The following KIAA1217 variants were observed in gnomAD, a reference collection of about 807,000 sequenced individuals.
KIAA1217 encodes the protein KIAA1217.
In KIAA1217, 88 loss-of-function variants were observed where a neutral mutation model predicts 163.9. That is an observed-to-expected ratio of 0.54 (90% CI 0.45 to 0.64). The LOEUF (loss-of-function observed/expected upper bound fraction) is 0.64, where lower values mean the gene tolerates loss of function less well. KIAA1217 is among the 30% of genes least tolerant of loss of function. The pLI is 0.00. For synonymous variants in KIAA1217, 903 were observed against 923.1 expected (o/e 0.98, Z 0.39); for missense variants, 2,372 against 2,475.0 (o/e 0.96, Z 0.88).
Position 24,474,003 on chromosome 10 carries a change from T to G in KIAA1217, c.1622T>G (p.Met541Arg). ...CTTGTAGACCTCGGCCCTCCTCTAA[T>G]GGAGAAGCAAGTTTTTGCCTACAGC... ...SSLVDLGPPL[M>R]EKQVFAYSTA... Residue 541 changes from methionine to arginine, a missense_variant, in exon 6 of 21, where the codon ATG becomes AGG. Transcript: ENST00000376454. The G allele has an allele frequency of 6.2e-7, 1 of 1,612,570 alleles. No individual in the cohort carries two copies. Among genetic ancestry groups the G allele is most frequent in the South Asian group, 1.1e-5 (1 of 91,050 alleles).
chr10:24,259,739 C>G (rs906426198), intron 2 of KIAA1217, among the ~76,000 whole-genome samples: 1 of 152,180 alleles, frequency 6.6e-6, no homozygotes, highest in Non-Finnish European at 1.5e-5. Flanking sequence ...GCCTGAGCCC[C>G]CTTGAAGGTG....
chr10:23,917,924 A>T (rs1237475573), intron 1 of KIAA1217, among the ~76,000 whole-genome samples: 1 of 152,136 alleles, frequency 6.6e-6, no homozygotes, highest in African/African-American at 2.4e-5. Context: ...TCGTATAGAG[A>T]GATGTATGGA....
At chr10:24,022,168 A>C (rs989597873) in intron 2 of KIAA1217, among the ~76,000 whole-genome samples, 1 of 151,644 alleles carries the variant, frequency 6.6e-6, no homozygotes, top group Non-Finnish European at 1.5e-5. Flanking sequence ...AAGACAAGCC[A>C]CACACTGGAA....
chr10:23,876,944 G>A (rs777807322), intron 1 of KIAA1217, among the ~76,000 whole-genome samples: 9 of 151,896 alleles, frequency 5.9e-5, no homozygotes, highest in Admixed American at 2.0e-4. Flanking sequence ...ATTGACTTAC[G>A]TGTCCCTCAA....
chr10:23,932,263 G>C (rs1443172779), intron 1 of KIAA1217, among the ~76,000 whole-genome samples: 2 of 152,198 alleles, frequency 1.3e-5, no homozygotes, highest in Non-Finnish European at 2.9e-5. Context: ...GAAAAGTCAG[G>C]ACTGTCGCCT....
chr10:24,299,820 T>C (rs2132670544), intron 2 of KIAA1217, among the ~76,000 whole-genome samples: 1 of 152,304 alleles, frequency 6.6e-6, no homozygotes, highest in Non-Finnish European at 1.5e-5. Context: ...CAGCCTGCCC[T>C]GTGAACTAAT....
At chr10:24,200,676 T>C (rs2067214679) in intron 2 of KIAA1217, among the ~76,000 whole-genome samples, 2 of 152,200 alleles carry the variant, frequency 1.3e-5, no homozygotes, top group African/African-American at 4.8e-5. Context: ...ATTCGAATTC[T>C]GTAAAGGAGA....
chr10:24,091,885 T>C (rs1243231204), intron 2 of KIAA1217, among the ~76,000 whole-genome samples: 1 of 151,738 alleles, frequency 6.6e-6, no homozygotes, highest in East Asian at 1.9e-4. Flanking sequence ...TTTGCAGGCA[T>C]GTAGTTTGAA....
At chr10:24,400,483 G>C (rs2056396746) in intron 3 of KIAA1217, among the ~76,000 whole-genome samples, 1 of 152,174 alleles carries the variant, frequency 6.6e-6, no homozygotes, top group South Asian at 2.1e-4. Context: ...GCAGGATAAA[G>C]GGAGCATAAC....
At position 24,536,863 on chromosome 10, in the gene KIAA1217, G is replaced by A. The variant is rs374026273; in HGVS notation, c.3504G>A (p.Ser1168=). Reference sequence around the variant, plus strand: ...ACAGTCACGTTAAAGACACTAGGTCGGGCGCCACAGTGCCACCCAAGGAGA... The same window carrying A: ...ACAGTCACGTTAAAGACACTAGGTCAGGCGCCACAGTGCCACCCAAGGAGA... The part of the protein sequence containing the change: ...RADSHVKDTR[S]GATVPPKEKK... Residue 1168 remains serine (S), a synonymous_variant, in exon 17 of 21, where the codon TCG becomes TCA. Coordinates refer to ENST00000376454, the MANE Select transcript of KIAA1217 (RefSeq NM_019590.5). 120 of 1,613,804 alleles carry A rather than the reference G, an allele frequency of 7.4e-5. No homozygotes were observed. Among genetic ancestry groups the A allele is most frequent in the Middle Eastern group, 1.6e-4 (1 of 6,080 alleles).
chr10:24,074,661 A>T (rs2061306401), intron 2 of KIAA1217, among the ~76,000 whole-genome samples: 1 of 147,910 alleles, frequency 6.8e-6, no homozygotes, highest in South Asian at 2.2e-4. Context: ...ATATTCTGGA[A>T]TTCTTCTTCT....
At chr10:24,295,522 T>C (rs964705045) in intron 2 of KIAA1217, among the ~76,000 whole-genome samples, 7 of 152,168 alleles carry the variant, frequency 4.6e-5, no homozygotes, top group African/African-American at 1.7e-4. Flanking sequence ...TTTGTTTGTT[T>C]CTCCCACTGC....
rs369270180 is a variant in KIAA1217 at position 24,245,995 on chromosome 10, T to C, written c.354+26086T>C. Among the ~76,000 whole-genome samples the C allele has an allele frequency of 1.1e-4, 17 of 152,312 alleles. No individual in the cohort carries two copies. In the South Asian group the frequency reaches 3.3e-3, roughly 30 times the overall value. ...AGGTAAATGTGCTGCAGATAATCGT[T>C]TGGCCTGTGTTTTGGAGGGACCTTT... is the stretch of plus-strand genomic sequence containing the variant. On this transcript the variant is annotated intron_variant, in intron 2 of 20. Coordinates refer to ENST00000376454, the MANE Select transcript of KIAA1217 (RefSeq NM_019590.5).
In KIAA1217 at chr10:23,699,872, A is replaced by C. The variant is rs578098159; in HGVS notation, c.-321+4638A>C. Among the ~76,000 whole-genome samples, 5 of 152,320 alleles carry C rather than the reference A, an allele frequency of 3.3e-5. No homozygotes were observed. The South Asian group carries it at 1.0e-3, about 32-fold the overall frequency. ...CTTTTCCTCCAGATCGTAAGTTTTA[A>C]GAAGGGAAGGAACCAAGTGTTTCTT... is the stretch of plus-strand genomic sequence containing the variant. On this transcript the variant is annotated intron_variant, in intron 1 of 18. Coordinates refer to the KIAA1217 transcript ENST00000376462.
chr10:24,498,757 C>T (rs2067137688), intron 8 of KIAA1217, among the ~76,000 whole-genome samples: 1 of 152,182 alleles, frequency 6.6e-6, no homozygotes, highest in East Asian at 1.9e-4. Context: ...AAGGTTGAGG[C>T]TCGGGGAATT....
intron 1 of KIAA1217, among the ~76,000 whole-genome samples, chr10:23,805,260 T>C (rs1836678455): frequency 6.6e-6 from 1 of 152,128 alleles, no homozygotes; most frequent in Non-Finnish European, 1.5e-5. Flanking sequence ...AGACACAGAA[T>C]TGACCTAAAT....
chr10:24,424,144 A>G (rs2058991715), intron 3 of KIAA1217, among the ~76,000 whole-genome samples: 1 of 152,006 alleles, frequency 6.6e-6, no homozygotes, highest in South Asian at 2.1e-4. Context: ...TTGCAAGGCA[A>G]TTGTCATCAT....
At chr10:24,137,436 G>T (rs537382024) in intron 2 of KIAA1217, among the ~76,000 whole-genome samples, 15 of 152,316 alleles carry the variant, frequency 9.8e-5, no homozygotes, top group South Asian at 4.1e-4. Flanking sequence ...TTGACACTTT[G>T]CAGGCATTTT....
chr10:23,909,645 A>G (rs1842345115), intron 1 of KIAA1217, among the ~76,000 whole-genome samples: 1 of 152,176 alleles, frequency 6.6e-6, no homozygotes, highest in South Asian at 2.1e-4. Context: ...ATGGCTGCAT[A>G]GTATTCCATG....
Sources: allele counts gnomAD v4.1 joint callset (sites outside exome capture counted in the v4.1 genomes callset), GRCh38; gene constraint gnomAD v4.1.1; transcripts MANE v1.5; gene names NCBI Gene and HGNC (gene_info 2026-07-23, HGNC 2026-07-21).